Variants in SLC12A7 observed in about 807,000 individuals in gnomAD.
SLC12A7 encodes the protein solute carrier family 12 member 7, also known as K-Cl cotransporter 4.
A neutral mutation model predicts 120.6 loss-of-function variants in SLC12A7; 100 were observed. The ratio of observed to expected loss-of-function variants is 0.83; its 90% CI spans 0.71 to 0.98. SLC12A7 has a LOEUF of 0.98. Ranked by LOEUF, SLC12A7 falls within the 50% of genes least tolerant of loss-of-function variation. SLC12A7 has a pLI of 0.00. For missense variants in SLC12A7, 1,373 were observed against 1,548.1 expected (o/e 0.89, Z 1.90); for synonymous variants, 760 against 678.0 (o/e 1.12, Z -1.88).
chr5:1,142,329 TCCTCTCC>T, the SLC12A7 span, among the ~76,000 whole-genome samples: 1 of 49,070 alleles, frequency 2.0e-5, no homozygotes, highest in Non-Finnish European at 3.3e-5. Flanking sequence ...CTCCCCTCTC[TCCTCTCC>T]CCTCTCCCCT....
At chr5:1,061,863 G>A (rs925032751) in intron 20 of SLC12A7, among the ~76,000 whole-genome samples, 7 of 152,246 alleles carry the variant, frequency 4.6e-5, no homozygotes, top group Admixed American at 2.0e-4. Context: ...TCAGGAGGCT[G>A]AGGCAGGAGA....
intron 9 of SLC12A7, 131 bp downstream of exon 9, chr5:1,081,446 C>A: frequency 1.1e-6 from 1 of 928,660 alleles, no homozygotes; most frequent in Non-Finnish European, 1.6e-6. Flanking sequence ...ATATTTGTGT[C>A]TAGGAGTTGA....
rs150018091 is a variant in SLC12A7, at chr5:1,073,746, G to A, written c.2128C>T (p.Arg710Cys). ...AGCTGCGACGTGAAGGACAGCAGGC[G>A]GGGGTGCTTCACGGCCTGCTCCGCG... The part of the protein sequence containing the change: ...LDAEQAVKHP[R>C]LLSFTSQLKA... The change falls in exon 17 of 24, where the codon CGC becomes TGC. Residue 710 changes from arginine to cysteine, a missense_variant. Arg to Cys is a radical substitution (Grantham distance 180, BLOSUM62 -3). Coordinates refer to ENST00000264930, the MANE Select transcript of SLC12A7 (RefSeq NM_006598.3). The A allele has an allele frequency of 7.4e-5, 115 of 1,562,096 alleles. No homozygotes were observed. The East Asian group carries it at 9.7e-4, about 13-fold the overall frequency.
At chr5:1,129,882 C>G in the SLC12A7 span, among the ~76,000 whole-genome samples, 1 of 152,186 alleles carries the variant, frequency 6.6e-6, no homozygotes, top group Non-Finnish European at 1.5e-5. Context: ...GAGCTGGAAA[C>G]TGCACAGCCC....
At chr5:1,085,142 G>C in intron 7 of SLC12A7, 90 bp downstream of exon 7, 1 of 1,532,624 alleles carries the variant, frequency 6.5e-7, no homozygotes, top group Non-Finnish European at 8.8e-7. Flanking sequence ...GGAGCTCGGC[G>C]TCAAGGATGA....
chr5:1,058,252 G>A (rs1397994848), intron 21 of SLC12A7, among the ~76,000 whole-genome samples: 1 of 152,250 alleles, frequency 6.6e-6, no homozygotes, highest in Non-Finnish European at 1.5e-5. Context: ...AGGCGCCGAA[G>A]GGGAAGTGGC....
intron 1 of SLC12A7, among the ~76,000 whole-genome samples, chr5:1,103,035 C>T (rs4502870): frequency 0.65 from 98,998 of 151,988 alleles, 32,279 homozygotes; most frequent in Non-Finnish European, 0.66. Context: ...CAGCTGACGA[C>T]CCCTGGCCCT....
At position 1,076,728 on chromosome 5, in the gene SLC12A7, C is replaced by A. The variant is rs368925061; in HGVS notation, c.1714G>T (p.Ala572Ser). The A allele has an allele frequency of 6.2e-7, 1 of 1,611,350 alleles. No homozygotes were observed. Among genetic ancestry groups the A allele is most frequent in the Non-Finnish European group, 8.5e-7 (1 of 1,179,938 alleles). ...VLICETGILIASLDSVAPILS... is the reference protein window; with the variant it reads ...VLICETGILISSLDSVAPILS... ...ATCGGGGCCACGCTGTCCAGAGAGGCGATGAGGATGCCAGTCTCGCAGATG... is the reference window on the plus strand; with the variant it reads ...ATCGGGGCCACGCTGTCCAGAGAGGAGATGAGGATGCCAGTCTCGCAGATG... The change falls in exon 13 of 24, where the codon GCC (alanine) becomes TCC (serine). Residue 572 changes from alanine to serine, a missense_variant. Physicochemically the swap from Ala to Ser is moderately conservative, Grantham distance 99. Transcript: ENST00000264930.
chr5:1,081,268 T>C (rs377713641), intron 9 of SLC12A7, among the ~76,000 whole-genome samples: 8 of 151,072 alleles, frequency 5.3e-5, no homozygotes, highest in African/African-American at 2.0e-4. Flanking sequence ...GAGACCAGCC[T>C]GAGCAACGTG....
intron 1 of SLC12A7, among the ~76,000 whole-genome samples, chr5:1,102,419 C>A (rs1742107032): frequency 6.6e-6 from 1 of 152,224 alleles, no homozygotes; most frequent in Non-Finnish European, 1.5e-5. Flanking sequence ...GCTCATCCCT[C>A]CCCCTCTTCC....
the SLC12A7 span, among the ~76,000 whole-genome samples, chr5:1,152,567 A>AGCCCCCAAGC: frequency 1.3e-5 from 2 of 148,914 alleles, no homozygotes; most frequent in African/African-American, 4.9e-5. Context: ...GGTAAGGGAG[A>AGCCCCCAAGC]TCCCCCAAGC....
At chr5:1,076,531 G>A (rs1385268362) in intron 13 of SLC12A7, among the ~76,000 whole-genome samples, 163 bp downstream of exon 13, 1 of 134,344 alleles carries the variant, frequency 7.4e-6, no homozygotes, top group East Asian at 2.3e-4. Context: ...GGAGGCCTGT[G>A]TACTTGTCTT....
the SLC12A7 span, among the ~76,000 whole-genome samples, chr5:1,149,274 C>G: frequency 4.3e-4 from 65 of 152,256 alleles, no homozygotes; most frequent in African/African-American, 1.5e-3. Context: ...ACGGTATTGT[C>G]CATTCTAAAA....
At chr5:1,111,716 C>G in intron 1 of SLC12A7, 152 bp downstream of exon 1, 2 of 791,964 alleles carry the variant, frequency 2.5e-6, no homozygotes, top group Non-Finnish European at 3.3e-6. Context: ...GGGTGGGGGC[C>G]CTCGTGGGGG....
intron 18 of SLC12A7, 108 bp downstream of exon 18, chr5:1,065,164 GGGACAGTGAGA>G (rs1282177066): frequency 1.2e-4 from 96 of 804,284 alleles, no homozygotes; most frequent in Middle Eastern, 2.4e-4. Flanking sequence ...GGACGAAAAG[GGGACAGTGAGA>G]GGACAGCGAG....
the SLC12A7 span, among the ~76,000 whole-genome samples, chr5:1,121,478 G>A: frequency 0.036 from 5,415 of 152,272 alleles, 333 homozygotes; most frequent in African/African-American, 0.12. Context: ...ATTCCTCTCC[G>A]GTGGAATGCT....
At chr5:1,064,901 C>G (rs71593128) in intron 18 of SLC12A7, among the ~76,000 whole-genome samples, 5 of 28,414 alleles carry the variant, frequency 1.8e-4, no homozygotes, top group African/African-American at 2.4e-4. Context: ...GTGAGGGGAC[C>G]GCGAGGGGAC....
At chr5:1,133,997 C>T in the SLC12A7 span, among the ~76,000 whole-genome samples, 15 of 152,130 alleles carry the variant, frequency 9.9e-5, no homozygotes, top group East Asian at 1.2e-3. Context: ...TGCCCACAAG[C>T]CTGCTCAGCC....
chr5:1,065,017 GAC>G (rs2150803796), intron 18 of SLC12A7, among the ~76,000 whole-genome samples: 1 of 139,476 alleles, frequency 7.2e-6, no homozygotes, highest in Non-Finnish European at 1.5e-5. Context: ...AGACTGAGGG[GAC>G]ACGGGACAGT....
Sources: allele counts gnomAD v4.1 joint callset (sites outside exome capture counted in the v4.1 genomes callset), GRCh38; gene constraint gnomAD v4.1.1; transcripts MANE v1.5; gene names NCBI Gene and HGNC (gene_info 2026-07-23, HGNC 2026-07-21).